Variants in MISFA observed in about 807,000 individuals in gnomAD.
MISFA encodes mitochondrial sheath formation-associated protein.
chr11:18,604,036 C>T, the MISFA span: 28 of 271,648 alleles, frequency 1.0e-4, 1 homozygote, highest in Admixed American at 1.4e-3. Flanking sequence ...ATGCCATTCC[C>T]CTGCCTCAGC....
At chr11:18,609,098 T>A in the MISFA span, 3 of 152,246 alleles carry the variant, frequency 2.0e-5, no homozygotes, top group African/African-American at 7.2e-5. Context: ...TGAATTTTTT[T>A]AGATAAAAAT....
the MISFA span, chr11:18,601,342 T>C: frequency 2.5e-6 from 1 of 397,866 alleles, no homozygotes; most frequent in Non-Finnish European, 4.4e-6. Context: ...CAGGCCAAAG[T>C]TGTCTATTAA....
At chr11:18,601,610 A>G in the MISFA span, 2 of 397,342 alleles carry the variant, frequency 5.0e-6, no homozygotes, top group Non-Finnish European at 8.9e-6. Context: ...AGGTGTCACT[A>G]TGTTGCCCAG....
the MISFA span, among the ~76,000 whole-genome samples, chr11:18,605,983 C>T: frequency 1.3e-5 from 2 of 152,104 alleles, no homozygotes; most frequent in African/African-American, 4.8e-5. Context: ...CAGCCTGCCT[C>T]ATATACATTT....
At chr11:18,605,017 C>T in the MISFA span, among the ~76,000 whole-genome samples, 19 of 152,062 alleles carry the variant, frequency 1.2e-4, no homozygotes, top group South Asian at 1.9e-3. Flanking sequence ...CCGAGGCAGG[C>T]GGATCACTTG....
the MISFA span, chr11:18,606,655 T>C: frequency 7.7e-6 from 3 of 387,194 alleles, no homozygotes; most frequent in South Asian, 5.8e-5. Flanking sequence ...ACTCAGAAAA[T>C]AAATAGTAGT....
chr11:18,603,172 G>A, the MISFA span: 4 of 398,896 alleles, frequency 1.0e-5, no homozygotes, highest in Admixed American at 1.8e-4. Flanking sequence ...CATGTGGAAG[G>A]GATATAAATA....
the MISFA span, among the ~76,000 whole-genome samples, chr11:18,604,071 C>T: frequency 6.6e-5 from 10 of 151,744 alleles, no homozygotes; most frequent in East Asian, 2.0e-4. Context: ...GGACTACAGG[C>T]GCCTGCCACC....
the MISFA span, chr11:18,603,196 G>T: frequency 7.5e-6 from 3 of 399,082 alleles, no homozygotes; most frequent in East Asian, 1.1e-4. Flanking sequence ...CCCAGGAGGG[G>T]TAAGTGTACC....
chr11:18,603,904 A>C, the MISFA span: 1 of 366,510 alleles, frequency 2.7e-6, no homozygotes, highest in Non-Finnish European at 4.8e-6. Context: ...TTTTATGTTA[A>C]GAAGTTACCG....
chr11:18,609,147 A>G, the MISFA span: 1 of 152,268 alleles, frequency 6.6e-6, no homozygotes, highest in Non-Finnish European at 1.5e-5. Context: ...TAAAGCCAAC[A>G]TAACAGTAAA....
the MISFA span, among the ~76,000 whole-genome samples, chr11:18,604,863 A>G: frequency 3.4e-4 from 51 of 152,204 alleles, no homozygotes; most frequent in South Asian, 9.5e-3. Context: ...CTCCCTTCAC[A>G]CTTTCATGTG....
the MISFA span, chr11:18,603,072 G>A: frequency 2.5e-6 from 1 of 398,858 alleles, no homozygotes; most frequent in East Asian, 3.6e-5. Flanking sequence ...GCACCTTCCA[G>A]AAGCACTTGT....
At chr11:18,608,499 GTA>G in the MISFA span, 1 of 152,178 alleles carries the variant, frequency 6.6e-6, no homozygotes, top group African/African-American at 2.4e-5. Flanking sequence ...AACGTTTATT[GTA>G]GAACGTTTAT....
At chr11:18,604,014 C>T in the MISFA span, 1 of 297,778 alleles carries the variant, frequency 3.4e-6, no homozygotes, top group Non-Finnish European at 6.1e-6. Context: ...GCAAGCTCCG[C>T]CTCCCGGGTT....
chr11:18,607,522 C>T, the MISFA span: 1 of 152,482 alleles, frequency 6.6e-6, no homozygotes, highest in South Asian at 2.1e-4. Flanking sequence ...TTAAGAAAAT[C>T]CAAAAATCAA....
chr11:18,602,962 G>A, the MISFA span: 4 of 394,694 alleles, frequency 1.0e-5, no homozygotes, highest in Non-Finnish European at 1.8e-5. Context: ...GCCATGAGGA[G>A]CCACTTCAAT....
chr11:18,604,813 C>T, the MISFA span, among the ~76,000 whole-genome samples: 1 of 152,200 alleles, frequency 6.6e-6, no homozygotes, highest in Non-Finnish European at 1.5e-5. Flanking sequence ...CCAACACACA[C>T]AGCCCTGGGC....
chr11:18,599,827 C>T, the MISFA span: 97 of 396,266 alleles, frequency 2.4e-4, 2 homozygotes, highest in East Asian at 3.4e-3. Context: ...CATGCGAGAC[C>T]TCTACCAACT....
Sources: gnomAD v4.1 joint callset for allele counts (sites outside exome capture counted in the v4.1 genomes callset) on GRCh38, gnomAD v4.1.1 for gene constraint, MANE v1.5 for transcripts, NCBI Gene and HGNC (gene_info 2026-07-23, HGNC 2026-07-21) for gene names.